The following MLN variants were observed in gnomAD, a reference collection of about 807,000 sequenced individuals.
MLN encodes the protein promotilin.
MLN carries 14 observed loss-of-function variants against 13.3 expected under a neutral mutation model. The observed-to-expected ratio is 1.05, with a 90% CI of 0.69 to 1.64. The LOEUF (loss-of-function observed/expected upper bound fraction) is 1.64. Among genes scored for constraint, MLN ranks in the 40% most tolerant of loss-of-function variants. The pLI is 0.00. For synonymous variants in MLN, 59 were observed against 54.7 expected, an observed-to-expected ratio of 1.08 and a Z score of -0.34; for missense variants, 122 against 142.9, an observed-to-expected ratio of 0.85 and a Z score of 0.75.
chr6:33,796,921 A>G (rs546193789), intron 3 of MLN, among the ~76,000 whole-genome samples: 1 of 152,308 alleles, frequency 6.6e-6, no homozygotes, highest in Admixed American at 6.5e-5. Context: ...TTAGTGCCTC[A>G]AACTCCGACT....
chr6:33,795,460 G>A, intron 4 of MLN, 43 bp downstream of exon 4: 1 of 1,495,900 alleles, frequency 6.7e-7, no homozygotes, highest in Non-Finnish European at 9.1e-7. Flanking sequence ...GCCAGGGTGG[G>A]CGGAGGCCGG....
intron 3 of MLN, 129 bp downstream of exon 3, chr6:33,798,976 G>A (rs538275403): frequency 1.7e-4 from 104 of 594,348 alleles, no homozygotes; most frequent in South Asian, 3.4e-4. Flanking sequence ...TTGCCTGGAT[G>A]TCTTGCTCAC....
intron 2 of MLN, among the ~76,000 whole-genome samples, chr6:33,800,689 T>C (rs1768023290): frequency 6.6e-6 from 1 of 152,284 alleles, no homozygotes; most frequent in Non-Finnish European, 1.5e-5. Context: ...ATTTTTCATA[T>C]GTTCGTATCT....
At position 33,798,948 on chromosome 6, in the gene MLN, C is replaced by G. The variant is rs78371630; in HGVS notation, c.234+157G>C. Among the ~76,000 whole-genome samples, 832 of 152,224 alleles carry G rather than the reference C, an allele frequency of 5.5e-3. 28 individuals carry two copies. In the East Asian group the frequency reaches 0.069, roughly 13 times the overall value. On this transcript the variant is annotated intron_variant, in intron 3 of 4. Coordinates refer to ENST00000430124, the MANE Select transcript of MLN (RefSeq NM_002418.3). ...TCTCGTTGCTGGAGTCCGTCTCTCCCTACGAGGATGGAGCTCATTGCCTGG... is the reference window on the plus strand; with the variant it reads ...TCTCGTTGCTGGAGTCCGTCTCTCCGTACGAGGATGGAGCTCATTGCCTGG...
intron 2 of MLN, among the ~76,000 whole-genome samples, 191 bp downstream of exon 2, chr6:33,800,856 G>A (rs1768028040): frequency 6.6e-6 from 1 of 152,206 alleles, no homozygotes; most frequent in Non-Finnish European, 1.5e-5. Flanking sequence ...AGGCAGGGGT[G>A]GGAAAGATGT....
At chr6:33,800,173 T>A (rs1433341645) in intron 2 of MLN, among the ~76,000 whole-genome samples, 1 of 152,192 alleles carries the variant, frequency 6.6e-6, no homozygotes, top group Non-Finnish European at 1.5e-5. Context: ...CCCCAGAGCC[T>A]CGAGACCTCC....
intron 3 of MLN, 53 bp from the exon 4 acceptor site, chr6:33,795,658 C>T: frequency 6.8e-7 from 1 of 1,470,252 alleles, no homozygotes; most frequent in East Asian, 2.5e-5. Context: ...GGGCCCTTAA[C>T]CCCTGGGTGC....
chr6:33,794,916 C>A, intron 4 of MLN, 81 bp from the exon 5 acceptor site: 2 of 1,566,300 alleles, frequency 1.3e-6, no homozygotes, highest in South Asian at 2.3e-5. Context: ...GCCTGCAGGT[C>A]GGAGGGAGGA....
chr6:33,799,101 T>C lies in MLN; in HGVS notation c.234+4A>G. On this transcript the variant is annotated splice_donor_region_variant and intron_variant, in intron 3 of 4. Coordinates refer to ENST00000430124, the MANE Select transcript of MLN (RefSeq NM_002418.3). This position sits in a 1 kb window ranked among gnomAD's most constrained non-coding sequence, Gnocchi z 4.6. Reference sequence around the variant, plus strand: ...TCTCTCCTTTGTCCCAGTTGTCTGCTCACCTTGATCATTTCGTTTTCTTCT... The same window carrying C: ...TCTCTCCTTTGTCCCAGTTGTCTGCCCACCTTGATCATTTCGTTTTCTTCT... 1 of 1,592,270 alleles carries C rather than the reference T, an allele frequency of 6.3e-7. No individual in the cohort carries two copies. Among genetic ancestry groups the C allele is most frequent in the Non-Finnish European group, 8.6e-7 (1 of 1,161,516 alleles).
chr6:33,795,632 G>A (rs1385307345), intron 3 of MLN, 27 bp from the exon 4 acceptor site: 7 of 1,544,364 alleles, frequency 4.5e-6, no homozygotes, highest in East Asian at 4.9e-5. Flanking sequence ...CGTTAACAAC[G>A]AGGGAGAGGT....
intron 3 of MLN, among the ~76,000 whole-genome samples, chr6:33,798,551 T>G (rs1767975095): frequency 6.6e-6 from 1 of 152,216 alleles, no homozygotes; most frequent in Non-Finnish European, 1.5e-5. Flanking sequence ...CTGCCTGGCT[T>G]CTTGCCTCCA....
chr6:33,798,417 A>C (rs1013095366), intron 3 of MLN, among the ~76,000 whole-genome samples: 1 of 152,224 alleles, frequency 6.6e-6, no homozygotes, highest in African/African-American at 2.4e-5. Context: ...GACAAGCTCA[A>C]GGTTCTCCCC....
chr6:33,796,348 C>T (rs1425632222), intron 3 of MLN, among the ~76,000 whole-genome samples: 2 of 151,338 alleles, frequency 1.3e-5, no homozygotes, highest in African/African-American at 2.5e-5. Context: ...AGACGGTACA[C>T]CCAAGGGGCC....
intron 3 of MLN, among the ~76,000 whole-genome samples, chr6:33,797,853 C>T (rs1477347187): frequency 6.6e-6 from 1 of 152,160 alleles, no homozygotes; most frequent in African/African-American, 2.4e-5. Context: ...CTCCTCTGCT[C>T]AAAACCCCCA....
At position 33,794,742 on chromosome 6, in the gene MLN, C is replaced by A; in HGVS notation, c.*83G>T. 6.5e-7 allele frequency: 1 copy of A among 1,542,012 alleles called. No individual in the cohort carries two copies. The highest frequency in any genetic ancestry group is 1.2e-5 in the South Asian group (1 of 84,316). The stretch of plus-strand genomic sequence containing the variant: ...AAGGGTGTTTTCCTTCCAAGCCCAG[C>A]TGGCAGGCTCTGTAAATTCCCAGGG... On this transcript the variant is annotated 3_prime_UTR_variant, in exon 5 of 5. Coordinates refer to ENST00000430124, the MANE Select transcript of MLN (RefSeq NM_002418.3).
At chr6:33,795,403 C>A in intron 4 of MLN, 100 bp downstream of exon 4, 2 of 906,788 alleles carry the variant, frequency 2.2e-6, no homozygotes, top group South Asian at 1.5e-5. Flanking sequence ...AAGTGCAAAG[C>A]AGCCAAACAA....
intron 1 of MLN, among the ~76,000 whole-genome samples, chr6:33,801,631 C>T (rs999048319): frequency 1.3e-5 from 2 of 152,346 alleles, no homozygotes; most frequent in East Asian, 3.9e-4. Flanking sequence ...GCCCAGATGA[C>T]CAGGGCTCTG....
chr6:33,796,558 C>T (rs546266677), intron 3 of MLN, among the ~76,000 whole-genome samples: 190 of 151,686 alleles, frequency 1.3e-3, no homozygotes, highest in Middle Eastern at 3.4e-3. Context: ...CCTGGCCTCT[C>T]GGGAGAGTTG....
chr6:33,797,001 CT>C (rs1489331893), intron 3 of MLN, among the ~76,000 whole-genome samples: 3 of 152,248 alleles, frequency 2.0e-5, no homozygotes, highest in Non-Finnish European at 4.4e-5. Flanking sequence ...TCCCAGCTCC[CT>C]CCTCAGGAGC....
Sources: allele counts gnomAD v4.1 joint callset (sites outside exome capture counted in the v4.1 genomes callset), GRCh38; gene constraint gnomAD v4.1.1; non-coding constraint Gnocchi (gnomAD v3.1); transcripts MANE v1.5; gene names NCBI Gene and HGNC (gene_info 2026-07-23, HGNC 2026-07-21).